FAT3: variants seen among roughly 807,000 people sequenced by gnomAD.
The protein encoded by FAT3 is FAT atypical cadherin 3, also known as protocadherin Fat 3.
A neutral mutation model predicts 310.2 loss-of-function variants in FAT3; 95 were observed. The ratio of observed to expected loss-of-function variants is 0.31; its 90% confidence interval spans 0.26 to 0.36. The LOEUF (loss-of-function observed/expected upper bound fraction) is 0.36. FAT3 is among the 10% of genes least tolerant of loss of function. FAT3 has a pLI of 1.00. For missense variants in FAT3, 5,408 were observed against 5,715.6 expected, an observed-to-expected ratio of 0.95 and a Z score of 1.74; for synonymous variants, 2,314 against 2,192.9, an observed-to-expected ratio of 1.06 and a Z score of -1.54.
intron 1 of FAT3, among the ~76,000 whole-genome samples, chr11:92,254,339 A>C (rs1865234856): frequency 6.6e-6 from 1 of 152,198 alleles, no homozygotes; most frequent in South Asian, 2.1e-4. Flanking sequence ...ATTCTGAATT[A>C]ATCAGAGATA....
intron 2 of FAT3, among the ~76,000 whole-genome samples, chr11:92,406,300 A>G (rs1403423567): frequency 1.3e-5 from 2 of 152,142 alleles, no homozygotes; most frequent in Non-Finnish European, 2.9e-5. Context: ...TAACATTCCT[A>G]TGGAGATTGT....
intron 13 of FAT3, among the ~76,000 whole-genome samples, chr11:92,818,056 A>G (rs1280330239): frequency 6.6e-6 from 1 of 152,188 alleles, no homozygotes; most frequent in Non-Finnish European, 1.5e-5. Context: ...CCAATCTGTA[A>G]GAATCAAAAA....
chr11:92,282,046 C>T (rs1427518178), intron 1 of FAT3, among the ~76,000 whole-genome samples: 2 of 152,042 alleles, frequency 1.3e-5, no homozygotes, highest in African/African-American at 4.8e-5. Flanking sequence ...GCTAGGATTA[C>T]AGGCACACAC....
chr11:92,267,120 G>A (rs955709126), intron 1 of FAT3, among the ~76,000 whole-genome samples: 4 of 151,830 alleles, frequency 2.6e-5, no homozygotes, highest in African/African-American at 9.7e-5. Context: ...GCACCAACTC[G>A]CTTATTGAAA....
chr11:92,741,858 A>G (rs1260477756), intron 4 of FAT3, among the ~76,000 whole-genome samples: 3 of 152,254 alleles, frequency 2.0e-5, no homozygotes, highest in Admixed American at 6.5e-5. Context: ...TAATAGGATA[A>G]TGAATAATGT....
At chr11:92,672,406 T>G (rs1943157169) in intron 3 of FAT3, among the ~76,000 whole-genome samples, 1 of 152,200 alleles carries the variant, frequency 6.6e-6, no homozygotes, top group Non-Finnish European at 1.5e-5. Context: ...TTGCAGTGTT[T>G]CCAGACATTG....
intron 2 of FAT3, among the ~76,000 whole-genome samples, chr11:92,507,540 C>CAT (rs954225953): frequency 6.6e-6 from 1 of 151,360 alleles, no homozygotes; most frequent in African/African-American, 2.4e-5. Context: ...TACACACATA[C>CAT]ATATATAGGG....
intron 7 of FAT3, among the ~76,000 whole-genome samples, chr11:92,787,045 G>A (rs994219262): frequency 5.3e-5 from 8 of 152,206 alleles, no homozygotes; most frequent in African/African-American, 1.9e-4. Flanking sequence ...GGCATCCCTG[G>A]CCTGTACTAC....
chr11:92,432,923 A>T (rs1048420999), intron 2 of FAT3, among the ~76,000 whole-genome samples: 1 of 152,182 alleles, frequency 6.6e-6, no homozygotes, highest in Non-Finnish European at 1.5e-5. Flanking sequence ...TCTTTCAGAG[A>T]TGCCCTGCCC....
chr11:92,863,099 T>C (rs1041826524), intron 21 of FAT3, among the ~76,000 whole-genome samples: 1 of 152,166 alleles, frequency 6.6e-6, no homozygotes, highest in African/African-American at 2.4e-5. Flanking sequence ...AAATAGGTTT[T>C]TGTATTTTTG....
intron 1 of FAT3, among the ~76,000 whole-genome samples, chr11:92,310,678 T>C (rs1368906339): frequency 6.6e-6 from 1 of 152,102 alleles, no homozygotes; most frequent in East Asian, 1.9e-4. Context: ...TGTATGTTTG[T>C]ATATGTATAT....
chr11:92,837,340 G>T (rs537204656), intron 16 of FAT3, among the ~76,000 whole-genome samples: 87 of 152,298 alleles, frequency 5.7e-4, no homozygotes, highest in African/African-American at 2.0e-3. Flanking sequence ...GTACTAACCA[G>T]GGTGGTTTTG....
chr11:92,679,864 A>C (rs79565447), intron 3 of FAT3, among the ~76,000 whole-genome samples: 1,975 of 146,516 alleles, frequency 0.013, 38 homozygotes, highest in African/African-American at 0.048. Context: ...AAAAAAAAAA[A>C]AAAAGTTGAA....
chr11:92,355,027 G>A lies in FAT3; in HGVS notation c.2915G>A (p.Arg972His), dbSNP rs1382417399. ...GATCTTGGACTGGGGGGTCAAGTGC[G>A]CTATTCTTTGGTCAATGACTATAAT... The part of the protein sequence containing the change: ...DPDLGLGGQV[R>H]YSLVNDYNGR... The change falls in exon 2 of 28, where the codon CGC becomes CAC. Residue 972 changes from arginine to histidine, a missense_variant. Physicochemically the swap from Arg to His is conservative, Grantham distance 29. This residue lies in a region of FAT3 where 4,588 missense variants were observed against 4,809.8 expected (regional missense o/e 0.95). Coordinates refer to ENST00000525166, the MANE Select transcript of FAT3 (RefSeq NM_001367949.2). 12 of 1,613,652 alleles carry A rather than the reference G, an allele frequency of 7.4e-6. No homozygotes were observed. The highest frequency in any genetic ancestry group is 3.3e-5 in the Admixed American group (2 of 59,894).
Position 92,837,883 on chromosome 11 carries a change from G to A in FAT3, c.10368+77G>A, listed in dbSNP as rs995725780. On this transcript the variant is annotated intron_variant, in intron 17 of 27. Coordinates refer to ENST00000525166, the MANE Select transcript of FAT3 (RefSeq NM_001367949.2). ...CCTCTGCTGTGGTTTACTCATTGTGGTTTATTGCTACTATTACTTAATGTC... is the reference window on the plus strand; with the variant it reads ...CCTCTGCTGTGGTTTACTCATTGTGATTTATTGCTACTATTACTTAATGTC... The A allele has an allele frequency of 1.9e-6, 3 of 1,561,986 alleles. No individual in the cohort carries two copies. In the African/African-American group the frequency reaches 4.1e-5, roughly 21 times the overall value.
At chr11:92,447,215 A>G (rs1409504019) in intron 2 of FAT3, among the ~76,000 whole-genome samples, 2 of 122,908 alleles carry the variant, frequency 1.6e-5, no homozygotes, top group African/African-American at 6.0e-5. Flanking sequence ...GTGTATGTAT[A>G]TGTGTGCGTG....
rs545751153 is a variant in FAT3 at position 92,775,678 on chromosome 11, T to A, written c.4335+1498T>A. On this transcript the variant is annotated intron_variant, in intron 7 of 27. Coordinates refer to ENST00000525166, the MANE Select transcript of FAT3 (RefSeq NM_001367949.2). ...TATATAAAAGTAATATATTGTTCATTGATCAGCAAAATGAAATGCAAAGAA... is the reference window on the plus strand; with the variant it reads ...TATATAAAAGTAATATATTGTTCATAGATCAGCAAAATGAAATGCAAAGAA... 1.1e-4 allele frequency among the ~76,000 whole-genome samples: 16 copies of A among 152,300 alleles called. No individual in the cohort carries two copies. In the South Asian group the frequency reaches 2.9e-3, roughly 28 times the overall value.
intron 2 of FAT3, among the ~76,000 whole-genome samples, chr11:92,427,286 G>A (rs1005222246): frequency 2.0e-5 from 3 of 152,156 alleles, no homozygotes; most frequent in African/African-American, 7.2e-5. Flanking sequence ...AGACGATGGA[G>A]TTTTCTAAAT....
chr11:92,625,850 A>T (rs1941309327), intron 3 of FAT3, among the ~76,000 whole-genome samples: 2 of 151,982 alleles, frequency 1.3e-5, no homozygotes, highest in Non-Finnish European at 2.9e-5. Flanking sequence ...ACTGGGTCCT[A>T]TTGAAGGCAA....
Sources: gnomAD v4.1 joint callset for allele counts (sites outside exome capture counted in the v4.1 genomes callset) on GRCh38, gnomAD v4.1.1 for gene constraint, gnomAD v4.1.1 regional missense constraint, MANE v1.5 for transcripts, NCBI Gene and HGNC (gene_info 2026-07-23, HGNC 2026-07-21) for gene names.